Variants in ZEB1 observed in about 807,000 individuals in gnomAD.
ZEB1 encodes zinc finger E-box binding homeobox 1, also known as zinc finger E-box-binding homeobox 1.
ZEB1 carries 21 observed loss-of-function variants against 84.9 expected under a neutral mutation model. The ratio of observed to expected loss-of-function variants is 0.25; its 90% CI spans 0.18 to 0.36. The LOEUF is 0.36. Ranked by LOEUF, ZEB1 falls within the 10% of genes least tolerant of loss-of-function variation. ZEB1 has a pLI of 1.00. For missense variants in ZEB1, 1,104 were observed against 1,330.2 expected (o/e 0.83, Z 2.65); for synonymous variants, 420 against 471.1 (o/e 0.89, Z 1.41).
chr10:31,403,209 A>G (rs1466570945), intron 1 of ZEB1, among the ~76,000 whole-genome samples: 2 of 152,114 alleles, frequency 1.3e-5, no homozygotes, highest in Non-Finnish European at 2.9e-5. Flanking sequence ...TAAAATGGAA[A>G]TAGTAATACT....
intron 1 of ZEB1, among the ~76,000 whole-genome samples, chr10:31,404,777 C>T (rs2052669808): frequency 6.6e-6 from 1 of 152,060 alleles, no homozygotes; most frequent in South Asian, 2.1e-4. Flanking sequence ...ATGCTTAGAG[C>T]ATGAATGTAA....
At chr10:31,474,635 T>C (rs1016681028) in intron 2 of ZEB1, among the ~76,000 whole-genome samples, 3 of 152,142 alleles carry the variant, frequency 2.0e-5, no homozygotes, top group African/African-American at 7.2e-5. Flanking sequence ...AGTTCAACCA[T>C]TGTGGAAGTC....
At chr10:31,413,370 CT>C (rs1554848195) in intron 1 of ZEB1, among the ~76,000 whole-genome samples, 1 of 152,016 alleles carries the variant, frequency 6.6e-6, no homozygotes, top group African/African-American at 2.4e-5. Context: ...CCTAGGGAAA[CT>C]TTTCACAGGA....
intron 1 of ZEB1, among the ~76,000 whole-genome samples, chr10:31,401,078 T>C (rs1435100701): frequency 1.3e-5 from 2 of 152,176 alleles, no homozygotes; most frequent in Non-Finnish European, 2.9e-5. Context: ...GTAGGTGATA[T>C]ATTTGTGCAT....
intron 2 of ZEB1, among the ~76,000 whole-genome samples, chr10:31,487,343 A>G (rs1405843658): frequency 6.6e-6 from 1 of 151,424 alleles, no homozygotes; most frequent in Admixed American, 6.6e-5. Flanking sequence ...TTTGGAGAGA[A>G]CTGACTTCTT....
upstream of ZEB1, chr10:31,319,094 A>G (rs938011276): frequency 4.7e-6 from 3 of 634,170 alleles, no homozygotes; most frequent in African/African-American, 3.7e-5. Context: ...TCTAGGTGTA[A>G]GGAAGGTGAT....
intron 1 of ZEB1, among the ~76,000 whole-genome samples, chr10:31,352,524 A>G (rs965246338): frequency 6.6e-6 from 1 of 152,170 alleles, no homozygotes; most frequent in South Asian, 2.1e-4. Flanking sequence ...TAATTTTGAG[A>G]GTTGACTGAG....
At position 31,452,701 on chromosome 10, in the gene ZEB1, ATGTG is replaced by A. The variant is rs377004895; in HGVS notation, c.59-8297_59-8294del. Among the ~76,000 whole-genome samples the A allele has an allele frequency of 3.5e-3, 319 of 90,316 alleles. 1 individual carries two copies. Among genetic ancestry groups the A allele is most frequent in the African/African-American group, 8.2e-3 (226 of 27,656 alleles). 59.3% of individuals were successfully genotyped at this position (90,316 alleles called of 152,430 possible). A position where few individuals can be genotyped will look rare whatever the true frequency, so the allele number is the denominator to read the frequency against. On this transcript the variant is annotated intron_variant, in intron 1 of 8. Coordinates refer to ENST00000424869, the MANE Select transcript of ZEB1 (RefSeq NM_001174096.2). ...TGCCAGTGACTGTATTTAGGATAAA[ATGTG>A]TGTGTGTGTGTGTGTGTGTGTGTGT...
intron 1 of ZEB1, among the ~76,000 whole-genome samples, chr10:31,344,751 T>C (rs1433377829): frequency 2.0e-5 from 3 of 152,084 alleles, no homozygotes; most frequent in Non-Finnish European, 4.4e-5. Context: ...AGACTCCGAT[T>C]GTGGGAATTT....
At chr10:31,320,226 C>G (rs2033519944) in intron 1 of ZEB1, 1 of 151,940 alleles carries the variant, frequency 6.6e-6, no homozygotes, top group Non-Finnish European at 1.5e-5. Context: ...TTAACGCCGC[C>G]GGGAGCCGCG....
intron 1 of ZEB1, among the ~76,000 whole-genome samples, chr10:31,384,807 G>T (rs537959619): frequency 1.3e-5 from 2 of 152,146 alleles, no homozygotes; most frequent in Non-Finnish European, 2.9e-5. Flanking sequence ...TAGGGAGTTT[G>T]TTTTCCCTTT....
chr10:31,503,432 T>G (rs924966082), intron 4 of ZEB1, among the ~76,000 whole-genome samples: 2 of 152,108 alleles, frequency 1.3e-5, no homozygotes, highest in Non-Finnish European at 2.9e-5. Flanking sequence ...TATAACCAAA[T>G]AGTATTCATT....
At chr10:31,338,427 T>G (rs942768444) in intron 1 of ZEB1, among the ~76,000 whole-genome samples, 1 of 152,188 alleles carries the variant, frequency 6.6e-6, no homozygotes, top group African/African-American at 2.4e-5. Flanking sequence ...AAGTGGAGCC[T>G]GTGTTCAAAC....
intron 2 of ZEB1, among the ~76,000 whole-genome samples, chr10:31,480,274 C>T (rs1041141299): frequency 6.6e-6 from 1 of 152,002 alleles, no homozygotes; most frequent in African/African-American, 2.4e-5. Flanking sequence ...ATGTTTAAAA[C>T]TCTGATCATA....
At chr10:31,415,623 G>C (rs1246669355) in intron 1 of ZEB1, among the ~76,000 whole-genome samples, 1 of 151,868 alleles carries the variant, frequency 6.6e-6, no homozygotes, top group Non-Finnish European at 1.5e-5. Context: ...TTTATCATTT[G>C]CTCTGCTTTA....
At chr10:31,518,363 A>G (rs2071585583) in intron 6 of ZEB1, among the ~76,000 whole-genome samples, 1 of 152,186 alleles carries the variant, frequency 6.6e-6, no homozygotes, top group Non-Finnish European at 1.5e-5. Flanking sequence ...GTTTAAGAAT[A>G]CATATAGCAG....
intron 2 of ZEB1, among the ~76,000 whole-genome samples, chr10:31,489,785 T>C (rs1233282341): frequency 1.3e-5 from 2 of 151,432 alleles, no homozygotes; most frequent in Non-Finnish European, 3.0e-5. Flanking sequence ...TTATAGTTTT[T>C]ATATGTACTA....
intron 2 of ZEB1, among the ~76,000 whole-genome samples, chr10:31,483,252 A>G (rs571382307): frequency 6.6e-6 from 1 of 152,120 alleles, no homozygotes; most frequent in African/African-American, 2.4e-5. Context: ...TTTCCCAAAT[A>G]TTATTTATTT....
chr10:31,329,238 G>A (rs1333965884), intron 1 of ZEB1, among the ~76,000 whole-genome samples: 9 of 152,012 alleles, frequency 5.9e-5, no homozygotes, highest in Admixed American at 1.3e-4. Context: ...GGTCACTAGA[G>A]GTTAGATTTA....
Sources: allele counts gnomAD v4.1 joint callset (sites outside exome capture counted in the v4.1 genomes callset), GRCh38; gene constraint gnomAD v4.1.1; transcripts MANE v1.5; gene names NCBI Gene and HGNC (gene_info 2026-07-23, HGNC 2026-07-21).